TUSC3: variants seen among roughly 807,000 people sequenced by gnomAD.
TUSC3 encodes dolichyl-diphosphooligosaccharide--protein glycosyltransferase subunit TUSC3.
In TUSC3, 45 loss-of-function variants were observed where a neutral mutation model predicts 44.8. The observed-to-expected ratio is 1.00, with a 90% CI of 0.79 to 1.29. TUSC3 has a LOEUF of 1.29. Ranked by LOEUF, TUSC3 falls within the 50% of genes most tolerant of loss-of-function variation. The pLI is 0.00. For synonymous variants in TUSC3, 212 were observed against 152.9 expected (o/e 1.39, Z -2.85); for missense variants, 519 against 437.9 (o/e 1.19, Z -1.65).
At chr8:15,677,509 C>G (rs965206748) in intron 6 of TUSC3, among the ~76,000 whole-genome samples, 1 of 152,092 alleles carries the variant, frequency 6.6e-6, no homozygotes, top group Admixed American at 6.5e-5. Flanking sequence ...CCAGGTCTGT[C>G]TTTTTTGGGG....
chr8:15,778,193 G>C, the TUSC3 span, among the ~76,000 whole-genome samples: 1 of 151,810 alleles, frequency 6.6e-6, no homozygotes, highest in Non-Finnish European at 1.5e-5. Context: ...AAGTACCAAA[G>C]TTGCCTCTCC....
intron 6 of TUSC3, among the ~76,000 whole-genome samples, chr8:15,682,915 T>A (rs1361215775): frequency 2.6e-5 from 4 of 152,122 alleles, no homozygotes; most frequent in African/African-American, 9.7e-5. Context: ...ACCAGCTTAG[T>A]TTGGCATGAG....
upstream of TUSC3, chr8:15,540,253 ATGC>A: frequency 1.2e-6 from 1 of 863,414 alleles, no homozygotes. Context: ...GGTGAACCGG[ATGC>A]TCTGTCAGTC....
chr8:15,802,468 C>T, the TUSC3 span, among the ~76,000 whole-genome samples: 5 of 152,084 alleles, frequency 3.3e-5, no homozygotes, highest in East Asian at 5.8e-4. Context: ...TGTCGCCAGG[C>T]TGGAGTGCAG....
At chr8:15,767,867 A>G (rs1350000933), downstream of TUSC3, among the ~76,000 whole-genome samples, 2 of 152,206 alleles carry the variant, frequency 1.3e-5, no homozygotes, top group Non-Finnish European at 2.9e-5. Flanking sequence ...ATACACTGAA[A>G]GCCTGGAAGG....
intron 2 of TUSC3, among the ~76,000 whole-genome samples, chr8:15,487,425 G>A (rs34263475): frequency 3.8e-4 from 58 of 152,142 alleles, no homozygotes; most frequent in African/African-American, 8.7e-4. Flanking sequence ...ATCCAATTCC[G>A]TAGCCACAGT....
chr8:15,632,340 T>C (rs989382314), intron 2 of TUSC3, among the ~76,000 whole-genome samples: 1 of 152,218 alleles, frequency 6.6e-6, no homozygotes, highest in Non-Finnish European at 1.5e-5. Flanking sequence ...TGTTTCTTCC[T>C]GATTATATTC....
the TUSC3 span, among the ~76,000 whole-genome samples, chr8:15,815,125 TA>T: frequency 1.3e-5 from 2 of 152,178 alleles, no homozygotes; most frequent in African/African-American, 2.4e-5. Flanking sequence ...TAAAATGTAT[TA>T]ATTGAATAAT....
At chr8:15,740,519 A>AG (rs1811146011) in intron 7 of TUSC3, among the ~76,000 whole-genome samples, 1 of 149,038 alleles carries the variant, frequency 6.7e-6, no homozygotes, top group South Asian at 2.1e-4. Context: ...AAACGGGAGG[A>AG]AAAAAAAAGA....
chr8:15,525,106 G>A (rs1585075923), intron 2 of TUSC3, among the ~76,000 whole-genome samples: 1 of 152,318 alleles, frequency 6.6e-6, no homozygotes, highest in African/African-American at 2.4e-5. Context: ...AAAGGTACAA[G>A]GAGACCATTA....
intron 1 of TUSC3, among the ~76,000 whole-genome samples, chr8:15,610,295 T>A (rs1004246785): frequency 6.6e-6 from 1 of 152,186 alleles, no homozygotes; most frequent in Non-Finnish European, 1.5e-5. Flanking sequence ...TACTGCATGA[T>A]GTTTTCGCTG....
intron 1 of TUSC3, among the ~76,000 whole-genome samples, chr8:15,482,583 G>T (rs190154094): frequency 3.9e-5 from 6 of 152,170 alleles, no homozygotes; most frequent in African/African-American, 1.4e-4. Context: ...TGATGAAGAT[G>T]TATAAGAAGA....
intron 1 of TUSC3, among the ~76,000 whole-genome samples, chr8:15,449,314 G>A (rs749101913): frequency 3.9e-5 from 6 of 152,158 alleles, no homozygotes; most frequent in Non-Finnish European, 7.4e-5. Context: ...TCGGTCTCAT[G>A]TTCAAAAAAT....
chr8:15,757,282 A>C (rs762563905), intron 9 of TUSC3, among the ~76,000 whole-genome samples: 7 of 152,224 alleles, frequency 4.6e-5, no homozygotes, highest in Non-Finnish European at 7.3e-5. Context: ...GATAGTTTCT[A>C]ATGTCGTTGG....
chr8:15,734,547 C>A (rs1417852390), intron 7 of TUSC3, among the ~76,000 whole-genome samples: 1 of 152,096 alleles, frequency 6.6e-6, no homozygotes, highest in Non-Finnish European at 1.5e-5. Context: ...ATTTTTATTT[C>A]ATTTATTTTT....
intron 2 of TUSC3, among the ~76,000 whole-genome samples, chr8:15,504,642 T>A (rs1312553226): frequency 1.6e-4 from 14 of 89,494 alleles, no homozygotes; most frequent in Non-Finnish European, 3.1e-4. Flanking sequence ...TTTTTTTTTT[T>A]AAGTGGGTTT....
intron 1 of TUSC3, among the ~76,000 whole-genome samples, chr8:15,476,546 C>G (rs1436236606): frequency 6.6e-6 from 1 of 152,130 alleles, no homozygotes; most frequent in African/African-American, 2.4e-5. Context: ...CTACATCGTG[C>G]TCAAGAATTA....
At chr8:15,503,389 C>A (rs1800996091) in intron 2 of TUSC3, among the ~76,000 whole-genome samples, 1 of 152,110 alleles carries the variant, frequency 6.6e-6, no homozygotes, top group Admixed American at 6.5e-5. Flanking sequence ...TGTGCTATGG[C>A]AGCCCTGGAA....
chr8:15,673,348 A>G (rs1165526917), intron 5 of TUSC3, among the ~76,000 whole-genome samples: 1 of 152,072 alleles, frequency 6.6e-6, no homozygotes, highest in Admixed American at 6.6e-5. Context: ...AAACTAATAG[A>G]AGAATGATGT....
Sources: gnomAD v4.1 joint callset for allele counts (sites outside exome capture counted in the v4.1 genomes callset) on GRCh38, gnomAD v4.1.1 for gene constraint, MANE v1.5 for transcripts, NCBI Gene and HGNC (gene_info 2026-07-23, HGNC 2026-07-21) for gene names.